CLCN4: variants seen among roughly 807,000 people sequenced by gnomAD.
CLCN4 encodes the protein H(+)/Cl(-) exchange transporter 4.
Under a neutral mutation model 41.7 loss-of-function variants are expected in CLCN4, and 1 was observed. That is an observed-to-expected ratio of 0.02 (90% CI 0.01 to 0.11). The LOEUF is 0.11. Ranked by LOEUF, CLCN4 falls within the 10% of genes least tolerant of loss-of-function variation. The probability of loss-of-function intolerance (pLI) is 1.00; values close to 1 mark genes in which losing one functional copy is unlikely to be tolerated. For synonymous variants in CLCN4, 277 were observed against 285.8 expected (o/e 0.97, Z 0.31); for missense variants, 287 against 661.0 (o/e 0.43, Z 6.20).
Position 10,212,597 on chromosome X carries a change from G to A in CLCN4, c.1520G>A (p.Gly507Asp). Reference sequence around the variant, plus strand: ...ATCTTCAGGAACTGGTGCAGACCCGGTGCAGACTGTGTCACGCCAGGGCTG... The same window carrying A: ...ATCTTCAGGAACTGGTGCAGACCCGATGCAGACTGTGTCACGCCAGGGCTG... ...WIIFRNWCRP[G>D]ADCVTPGLYA... is the part of the protein sequence containing the mutation. The change falls in exon 10 of 13, where the codon GGT becomes GAT. Residue 507 changes from glycine (G) to aspartate (D), a missense_variant. By Grantham distance (94) the Gly-to-Asp change is moderately conservative. This residue lies in a region of CLCN4 where 94 missense variants were observed against 177.9 expected (regional missense o/e 0.53). Coordinates refer to ENST00000380833, the MANE Select transcript of CLCN4 (RefSeq NM_001830.4). 1 of 1,211,615 alleles carries A rather than the reference G, an allele frequency of 8.3e-7. No individual in the cohort carries two copies. Among genetic ancestry groups the A allele is most frequent in the East Asian group, 3.0e-5 (1 of 33,822 alleles).
chrX:10,227,798 G>A (rs971749912), intron 12 of CLCN4, among the ~76,000 whole-genome samples: 1 of 111,990 alleles, frequency 8.9e-6, no homozygotes, highest in African/African-American at 3.2e-5. Flanking sequence ...TGAGCATCAT[G>A]TTTTCAAGGT....
chrX:10,161,533 G>C (rs141705881), intron 2 of CLCN4, among the ~76,000 whole-genome samples: 1 of 112,042 alleles, frequency 8.9e-6, no homozygotes, highest in Non-Finnish European at 1.9e-5. Context: ...GATTGGATTC[G>C]GCCCAAACAA....
intron 11 of CLCN4, among the ~76,000 whole-genome samples, chrX:10,216,910 T>TAC (rs1268600941): frequency 3.4e-4 from 7 of 20,885 alleles, no homozygotes; most frequent in East Asian, 0.054. Flanking sequence ...TATATATATA[T>TAC]ATATATATAC....
Position 10,208,565 on chromosome X carries a change from T to G in CLCN4, c.1364T>G (p.Val455Gly). The change falls in exon 9 of 13, where the codon GTT becomes GGT. Residue 455 changes from valine (V) to glycine (G), a missense_variant. Physicochemically the swap from Val to Gly is moderately radical, Grantham distance 109. Around this residue, in one of 6 missense-constraint regions of CLCN4, gnomAD observed 94 missense variants for 177.9 expected, o/e 0.53. Transcript: ENST00000380833. ...CTGGCACTGATCTTCAAAATCGTCG[T>G]TACCATATTTACCTTTGGCATGAAG... is the stretch of plus-strand genomic sequence containing the variant. ...LALALIFKIV[V>G]TIFTFGMKIP... 8.3e-7 allele frequency: 1 copy of G among 1,205,987 alleles called. No homozygotes were observed. Among genetic ancestry groups the G allele is most frequent in the Non-Finnish European group, 1.1e-6 (1 of 892,994 alleles).
chrX:10,195,049 A>G lies in CLCN4; in HGVS notation c.383A>G (p.Lys128Arg). ...SNETTFEDRD[K>R]CPLWQKWSEL... is the part of the protein sequence containing the mutation. ...GAGACCACTTTTGAGGACAGAGACA[A>G]GTGTCCCCTGTGGCAGAAATGGTCG... The change falls in exon 5 of 13, where the codon AAG becomes AGG. Residue 128 changes from lysine (K) to arginine (R), a missense_variant. Physicochemically the swap from Lys to Arg is conservative, Grantham distance 26 (BLOSUM62 2). Transcript: ENST00000380833. 1 of 1,211,692 alleles carries G rather than the reference A, an allele frequency of 8.3e-7. No individual in the cohort carries two copies. The highest frequency in any genetic ancestry group is 1.1e-6 in the Non-Finnish European group (1 of 895,426).
chrX:10,237,024 G>A lies in CLCN4; in HGVS notation c.*3440G>A, dbSNP rs1488891525. 1 of 112,273 alleles carries A rather than the reference G, an allele frequency of 8.9e-6. No homozygotes were observed. The highest frequency in any genetic ancestry group is 9.4e-5 in the Admixed American group (1 of 10,623). 9.3% of individuals were successfully genotyped at this position (112,273 alleles called of 1,213,427 possible). On this transcript the variant is annotated 3_prime_UTR_variant, in exon 13 of 13. Transcript: ENST00000380833. The stretch of plus-strand genomic sequence containing the variant: ...AAGGCAGAATGTGCTAGAAGTCGAA[G>A]TCATTCAATATTCAGTGCTTACTGT...
chrX:10,159,527 C>T (rs1012677920), intron 2 of CLCN4, among the ~76,000 whole-genome samples: 1 of 110,369 alleles, frequency 9.1e-6, no homozygotes. Flanking sequence ...GAGAATGTGG[C>T]ATTATTTTCC....
chrX:10,199,286 C>A (rs914022188), intron 6 of CLCN4, among the ~76,000 whole-genome samples: 5 of 112,246 alleles, frequency 4.5e-5, no homozygotes, highest in African/African-American at 1.6e-4. Context: ...GGGCACAATA[C>A]ACAAAACTTC....
chrX:10,201,636 A>G (rs1228333689), intron 6 of CLCN4, among the ~76,000 whole-genome samples: 3 of 112,420 alleles, frequency 2.7e-5, no homozygotes, highest in Admixed American at 1.9e-4. Context: ...TTTGGAAAAC[A>G]TGTTTATCAT....
At position 10,194,985 on chromosome X, in the gene CLCN4, T is replaced by C; in HGVS notation, c.319T>C (p.Phe107Leu). 3 of 1,211,690 alleles carry C rather than the reference T, an allele frequency of 2.5e-6. No individual in the cohort carries two copies. The highest frequency in any genetic ancestry group is 3.4e-6 in the Non-Finnish European group (3 of 895,409). ...GAAGGAGGGGGTCTGCCTGTCTGCC[T>C]TCTGGTATAGCCATGAGCAGTGTTG... Reference protein sequence around the residue: ...DLKEGVCLSAFWYSHEQCCWT... With the variant: ...DLKEGVCLSALWYSHEQCCWT... The change falls in exon 5 of 13, where the codon TTC becomes CTC. Residue 107 changes from phenylalanine to leucine, a missense_variant. By Grantham distance (22) the Phe-to-Leu change is conservative. This residue lies in a region of CLCN4 where 90 missense variants were observed against 209.8 expected (regional missense o/e 0.43). Coordinates refer to ENST00000380833, the MANE Select transcript of CLCN4 (RefSeq NM_001830.4).
intron 2 of CLCN4, among the ~76,000 whole-genome samples, chrX:10,175,917 T>TCTCTCTCTCCCCCCCCCCCTCC (rs1923513185): frequency 1.6e-5 from 1 of 64,234 alleles, no homozygotes; most frequent in Non-Finnish European, 2.6e-5. Context: ...TCCCTCCCTC[T>TCTCTCTCTCCCCCCCCCCCTCC]CTCTCTCTCT....
chrX:10,212,819 C>A (rs1393880586), intron 10 of CLCN4, among the ~76,000 whole-genome samples, 166 bp downstream of exon 10: 1 of 72,726 alleles, frequency 1.4e-5, no homozygotes, highest in African/African-American at 6.1e-5. Context: ...CGCACCAAGG[C>A]TATGTCTCGC....
At chrX:10,175,672 T>C (rs923688205) in intron 2 of CLCN4, among the ~76,000 whole-genome samples, 1 of 111,893 alleles carries the variant, frequency 8.9e-6, no homozygotes, top group Admixed American at 9.5e-5. Context: ...AGAATTTCTG[T>C]TGTGTCCTAT....
chrX:10,206,140 T>G (rs181892701), intron 6 of CLCN4, among the ~76,000 whole-genome samples: 244 of 112,490 alleles, frequency 2.2e-3, no homozygotes, highest in Middle Eastern at 9.2e-3. Context: ...CTTTAGGATC[T>G]TTTGGTACTC....
At chrX:10,175,176 CAGTT>C (rs1467052970) in intron 2 of CLCN4, among the ~76,000 whole-genome samples, 4 of 111,390 alleles carry the variant, frequency 3.6e-5, no homozygotes, top group African/African-American at 1.3e-4. Context: ...GTGGGCTACG[CAGTT>C]AGGAGGTTGC....
intron 2 of CLCN4, among the ~76,000 whole-genome samples, chrX:10,183,091 T>C (rs1923726824): frequency 8.9e-6 from 1 of 111,928 alleles, no homozygotes; most frequent in African/African-American, 3.3e-5. Context: ...TTCCCACATA[T>C]ATTAAGAGGT....
At chrX:10,222,613 G>A (rs368136896) in intron 12 of CLCN4, among the ~76,000 whole-genome samples, 3 of 111,233 alleles carry the variant, frequency 2.7e-5, no homozygotes, top group African/African-American at 6.6e-5. Flanking sequence ...GGTCAGGGGC[G>A]CTGCTAAACA....
In CLCN4 at chrX:10,233,918, C is replaced by A. The variant is rs763860248; in HGVS notation, c.*334C>A. The stretch of plus-strand genomic sequence containing the variant: ...AATGCTGACTCAAGAAACTTTTACT[C>A]CTTCTGCTCAAGGCTGATGTTTGTA... On this transcript the variant is annotated 3_prime_UTR_variant, in exon 13 of 13. Coordinates refer to ENST00000380833, the MANE Select transcript of CLCN4 (RefSeq NM_001830.4). 8.4e-5 allele frequency: 14 copies of A among 167,407 alleles called. No individual in the cohort carries two copies. Among genetic ancestry groups the A allele is most frequent in the Non-Finnish European group, 1.2e-4 (11 of 89,205 alleles). The allele number at this position is 167,407 out of a possible 1,213,427, so 13.8% of individuals were successfully genotyped here.
chrX:10,186,886 G>A (rs762103408), intron 3 of CLCN4, among the ~76,000 whole-genome samples: 3 of 111,653 alleles, frequency 2.7e-5, no homozygotes, highest in South Asian at 7.5e-4. Flanking sequence ...GAGACCATCC[G>A]GCCCGCAAAG....
Sources: gnomAD v4.1 joint callset for allele counts (sites outside exome capture counted in the v4.1 genomes callset) on GRCh38, gnomAD v4.1.1 for gene constraint, gnomAD v4.1.1 regional missense constraint, MANE v1.5 for transcripts, NCBI Gene and HGNC (gene_info 2026-07-23, HGNC 2026-07-21) for gene names.